COPB1: variants seen among roughly 807,000 people sequenced by gnomAD.
The protein encoded by COPB1 is coatomer subunit beta.
In COPB1, 21 loss-of-function variants were observed where a neutral mutation model predicts 108.7. That is an observed-to-expected ratio of 0.19 (90% CI 0.14 to 0.28). COPB1 has a LOEUF of 0.28. Among genes scored for constraint, COPB1 ranks in the 10% least tolerant of loss-of-function variants. COPB1 has a pLI of 1.00. For synonymous variants in COPB1, 378 were observed against 386.8 expected (o/e 0.98, Z 0.27); for missense variants, 919 against 1,141.3 (o/e 0.81, Z 2.81).
chr11:14,480,620 A>C, intron 10 of COPB1, 139 bp downstream of exon 10: 2 of 741,174 alleles, frequency 2.7e-6, no homozygotes, highest in Middle Eastern at 3.6e-4. Flanking sequence ...TTAAAGGTAG[A>C]GGTAGATATA....
chr11:14,489,060 G>A lies in COPB1; in HGVS notation c.607-476C>T, dbSNP rs899552375. Among the ~76,000 whole-genome samples, 8 of 152,168 alleles carry A rather than the reference G, an allele frequency of 5.3e-5. No individual in the cohort carries two copies. The East Asian group carries it at 1.2e-3, about 22-fold the overall frequency. Reference sequence around the variant, plus strand: ...TTACGCCCCTCAATGTAGGTTAACAGCATAATGCCAAAAGCATTGGTCAGT... The same window carrying A: ...TTACGCCCCTCAATGTAGGTTAACAACATAATGCCAAAAGCATTGGTCAGT... On this transcript the variant is annotated intron_variant, in intron 5 of 21. Coordinates refer to ENST00000439561, the MANE Select transcript of COPB1 (RefSeq NM_001144061.2).
intron 14 of COPB1, among the ~76,000 whole-genome samples, chr11:14,470,944 A>ACACACACACACTCTCTCTCTCTCT (rs1285522756): frequency 1.1e-5 from 1 of 90,156 alleles, no homozygotes; most frequent in African/African-American, 5.2e-5. Flanking sequence ...ACACACACAC[A>ACACACACACACTCTCTCTCTCTCT]CTCTCTCTCT....
At position 14,476,868 on chromosome 11, in the gene COPB1, C is replaced by T. The variant is rs2134109103; in HGVS notation, c.1455+51G>A. ...AAATCACTATAAAAAGTCAGATTTT[C>T]CTAAAGGAAAAATTACCATATAAAC... On this transcript the variant is annotated intron_variant, in intron 12 of 21. Coordinates refer to ENST00000439561, the MANE Select transcript of COPB1 (RefSeq NM_001144061.2). The T allele has an allele frequency of 4.2e-6, 5 of 1,196,042 alleles. No homozygotes were observed. The East Asian group carries it at 9.7e-5, about 23-fold the overall frequency. The allele number at this position is 1,196,042 out of a possible 1,614,324, so 74.1% of individuals were successfully genotyped here.
At chr11:14,465,087 AC>A in intron 17 of COPB1, 57 bp from the exon 18 acceptor site, 1 of 1,482,520 alleles carries the variant, frequency 6.7e-7, no homozygotes, top group Non-Finnish European at 9.0e-7. Flanking sequence ...ACACACACAC[AC>A]ACACACACAC....
intron 11 of COPB1, chr11:14,478,936 T>C (rs533202786): frequency 4.1e-5 from 6 of 147,116 alleles, no homozygotes; most frequent in Admixed American, 2.1e-4. Flanking sequence ...GCTTTCTGGT[T>C]TTTGCCGGAA....
chr11:14,485,889 T>C (rs12364959), intron 7 of COPB1, among the ~76,000 whole-genome samples: 48,629 of 152,008 alleles, frequency 0.32, 8,987 homozygotes, highest in South Asian at 0.44. Context: ...ATGTATTATA[T>C]AATGTATTCT....
chr11:14,469,621 GTCACTTCATTATAAC>G, intron 14 of COPB1, 58 bp from the exon 15 acceptor site: 1 of 1,373,450 alleles, frequency 7.3e-7, no homozygotes, highest in South Asian at 1.2e-5. Context: ...TTGCAATCAT[GTCACTTCATTATAAC>G]TCACAATCTA....
intron 17 of COPB1, among the ~76,000 whole-genome samples, chr11:14,466,008 A>G (rs1489564377): frequency 6.6e-6 from 1 of 152,254 alleles, no homozygotes; most frequent in African/African-American, 2.4e-5. Flanking sequence ...CGACTTAAAC[A>G]GCTCGTATTA....
At chr11:14,485,421 C>T (rs1365956413) in intron 7 of COPB1, among the ~76,000 whole-genome samples, 1 of 152,202 alleles carries the variant, frequency 6.6e-6, no homozygotes, top group Admixed American at 6.5e-5. Flanking sequence ...CCCAGCTTGG[C>T]CTCCCAAAAT....
In COPB1 at chr11:14,486,487, T is replaced by A; in HGVS notation, c.717A>T (p.Pro239=). ...ELIYKVCHAN[P]SERARFIRCI... is the part of the protein sequence containing the mutation. ...AGCGAATAAAACGAGCTCTTTCTGA[T>A]GGATTAGCATGACAGACCTGGAGAA... The change falls in exon 7 of 22, where the codon CCA becomes CCT. Residue 239 remains proline (P), a synonymous_variant. Coordinates refer to ENST00000439561, the MANE Select transcript of COPB1 (RefSeq NM_001144061.2). 6.2e-7 allele frequency: 1 copy of A among 1,613,964 alleles called. No individual in the cohort carries two copies. Among genetic ancestry groups the A allele is most frequent in the Non-Finnish European group, 8.5e-7 (1 of 1,180,002 alleles).
At chr11:14,492,562 C>T (rs1449538264) in intron 4 of COPB1, among the ~76,000 whole-genome samples, 1 of 151,734 alleles carries the variant, frequency 6.6e-6, no homozygotes, top group Non-Finnish European at 1.5e-5. Flanking sequence ...AGGCTGGTCT[C>T]GAACTCCCGA....
chr11:14,477,357 T>C (rs1341844857), intron 11 of COPB1, among the ~76,000 whole-genome samples: 1 of 116,344 alleles, frequency 8.6e-6, no homozygotes, highest in Non-Finnish European at 1.6e-5. Flanking sequence ...GCCACTGCAC[T>C]CCAGGCTGGG....
intron 19 of COPB1, among the ~76,000 whole-genome samples, chr11:14,460,678 A>AT (rs1384031415): frequency 2.0e-5 from 3 of 151,880 alleles, no homozygotes; most frequent in East Asian, 3.9e-4. Flanking sequence ...TAATTTTTGT[A>AT]TTTTTTGTAG....
chr11:14,467,977 C>A (rs1412203848), intron 16 of COPB1, among the ~76,000 whole-genome samples: 1 of 152,026 alleles, frequency 6.6e-6, no homozygotes, highest in Non-Finnish European at 1.5e-5. Context: ...GGCTGCATAA[C>A]AATATGAATT....
At chr11:14,476,280 T>G (rs1353287167) in intron 12 of COPB1, among the ~76,000 whole-genome samples, 1 of 152,248 alleles carries the variant, frequency 6.6e-6, no homozygotes, top group Non-Finnish European at 1.5e-5. Context: ...AGATGGTCAT[T>G]AAGTCGTATT....
Position 14,483,026 on chromosome 11 carries a change from A to G in COPB1, c.957+6T>C. 1 of 1,538,150 alleles carries G rather than the reference A, an allele frequency of 6.5e-7. No homozygotes were observed. The highest frequency in any genetic ancestry group is 8.8e-7 in the Non-Finnish European group (1 of 1,131,298). On this transcript the variant is annotated splice_donor_region_variant and intron_variant, in intron 8 of 21. Coordinates refer to ENST00000439561, the MANE Select transcript of COPB1 (RefSeq NM_001144061.2). ...TTAGGATCTCTCTTTTTCAGATAAC[A>G]CTTACCTGTAGTACTCGTTCATGAG...
chr11:14,481,162 C>A, intron 8 of COPB1, 65 bp from the exon 9 acceptor site: 4 of 1,196,078 alleles, frequency 3.3e-6, no homozygotes, highest in Non-Finnish European at 4.8e-6. Flanking sequence ...AAAATCTTCA[C>A]TGCAGAATGG....
chr11:14,464,852 C>T (rs1850246104), intron 18 of COPB1, 59 bp downstream of exon 18: 5 of 1,571,006 alleles, frequency 3.2e-6, no homozygotes, highest in Non-Finnish European at 4.3e-6. Context: ...CAGCTACTCA[C>T]TATAGAAATT....
At chr11:14,461,991 T>C (rs1204978375) in intron 18 of COPB1, among the ~76,000 whole-genome samples, 1 of 152,174 alleles carries the variant, frequency 6.6e-6, no homozygotes, top group African/African-American at 2.4e-5. Flanking sequence ...GCTATGTAAA[T>C]AGTTATACTG....
Sources: gnomAD v4.1 joint callset for allele counts (sites outside exome capture counted in the v4.1 genomes callset) on GRCh38, gnomAD v4.1.1 for gene constraint, MANE v1.5 for transcripts, NCBI Gene and HGNC (gene_info 2026-07-23, HGNC 2026-07-21) for gene names.